The following SLC6A16 variants were observed in gnomAD, a reference collection of about 807,000 sequenced individuals.
SLC6A16 encodes the protein orphan sodium- and chloride-dependent neurotransmitter transporter NTT5.
SLC6A16 carries 54 observed loss-of-function variants against 65.4 expected under a neutral mutation model. The observed-to-expected ratio is 0.83, with a 90% CI of 0.66 to 1.04. The LOEUF is 1.04. Among genes scored for constraint, SLC6A16 ranks in the 50% least tolerant of loss-of-function variants. SLC6A16 has a pLI of 0.00. For missense variants in SLC6A16, 816 were observed against 914.0 expected (o/e 0.89, Z 1.38); for synonymous variants, 330 against 346.5 (o/e 0.95, Z 0.53).
At chr19:49,335,913 C>T in the SLC6A16 span, 3 of 749,772 alleles carry the variant, frequency 4.0e-6, no homozygotes, top group Non-Finnish European at 4.6e-6. The surrounding 1 kb of genome is among the most constrained non-coding windows in gnomAD (Gnocchi z 4.6). Context: ...ATCCACTGCT[C>T]ACCGGAGGCT....
chr19:49,290,526 C>T (rs1361409074), intron 11 of SLC6A16, 79 bp downstream of exon 11: 1 of 1,576,258 alleles, frequency 6.3e-7, no homozygotes, highest in Non-Finnish European at 8.7e-7. Flanking sequence ...AATGAGATGA[C>T]TGGGTTCTTT....
At chr19:49,327,046 G>A (rs1970806170), upstream of SLC6A16, among the ~76,000 whole-genome samples, 1 of 149,972 alleles carries the variant, frequency 6.7e-6, no homozygotes, top group African/African-American at 2.4e-5. Context: ...TGCTGCGACA[G>A]AAAAGGGCCA....
chr19:49,292,703 G>A lies in SLC6A16; in HGVS notation c.1778+520C>T, dbSNP rs1336882690. ...AAACTCTAGGCATTATGCTTCCTCT[G>A]GCCTTGGTAATTTCTGTTTCCCTGC... On this transcript the variant is annotated intron_variant, in intron 10 of 11. Transcript: ENST00000335875. The surrounding 1 kb of genome is among the most constrained non-coding windows in gnomAD (Gnocchi z 4.3). Among the ~76,000 whole-genome samples the A allele has an allele frequency of 6.6e-6, 1 of 152,070 alleles. No individual in the cohort carries two copies. Among genetic ancestry groups the A allele is most frequent in the Admixed American group, 6.6e-5 (1 of 15,264 alleles).
intron 1 of SLC6A16, 37 bp from the exon 2 acceptor site, chr19:49,311,448 G>A (rs1047252794): frequency 1.6e-5 from 21 of 1,339,790 alleles, no homozygotes; most frequent in Middle Eastern, 2.3e-4. Flanking sequence ...TTAGATTTTA[G>A]AGTCAAGTAA....
intron 1 of SLC6A16, among the ~76,000 whole-genome samples, chr19:49,316,875 A>T (rs997274804): frequency 1.4e-5 from 2 of 145,110 alleles, no homozygotes; most frequent in Non-Finnish European, 3.0e-5. Context: ...AAAAAAAAAA[A>T]TTAAAATTAA....
chr19:49,290,524 G>C, intron 11 of SLC6A16, 81 bp downstream of exon 11: 1 of 1,565,608 alleles, frequency 6.4e-7, no homozygotes, highest in East Asian at 2.2e-5. Context: ...AGAATGAGAT[G>C]ACTGGGTTCT....
chr19:49,334,401 G>C, the SLC6A16 span, among the ~76,000 whole-genome samples: 1 of 151,978 alleles, frequency 6.6e-6, no homozygotes, highest in African/African-American at 2.4e-5. Flanking sequence ...TGCAAGGATT[G>C]CTCGAGCCTG....
At chr19:49,305,592 CAAAAA>C (rs566209079) in intron 7 of SLC6A16, among the ~76,000 whole-genome samples, 2 of 106,990 alleles carry the variant, frequency 1.9e-5, no homozygotes, top group Non-Finnish European at 3.7e-5. Context: ...AGATCTGTCT[CAAAAA>C]AAAAAAAAAA....
chr19:49,306,855 A>G (rs1348764673), intron 7 of SLC6A16, among the ~76,000 whole-genome samples: 2 of 151,356 alleles, frequency 1.3e-5, no homozygotes, highest in African/African-American at 4.9e-5. Flanking sequence ...TTTTCTTTAC[A>G]TTTGATCATC....
intron 7 of SLC6A16, among the ~76,000 whole-genome samples, chr19:49,295,346 C>T (rs1030381149): frequency 6.0e-5 from 9 of 150,528 alleles, no homozygotes; most frequent in African/African-American, 2.2e-4. Context: ...CACCACTGCC[C>T]TCCAGCCTGG....
intron 7 of SLC6A16, among the ~76,000 whole-genome samples, chr19:49,305,564 C>T (rs974367790): frequency 6.8e-6 from 1 of 147,626 alleles, no homozygotes; most frequent in Non-Finnish European, 1.5e-5. Flanking sequence ...TACGCTCCAG[C>T]CTGGGTGACA....
rs1555775035 is a variant in SLC6A16 at position 49,299,546 on chromosome 19, A to AGAAAGAAAG, written c.1230-4994_1230-4993insCTTTCTTTC. Among the ~76,000 whole-genome samples the AGAAAGAAAG allele has an allele frequency of 4.7e-5, 6 of 126,488 alleles. 1 individual carries two copies. The highest frequency in any genetic ancestry group is 1.9e-4 in the African/African-American group (6 of 31,180). 83.0% of individuals were successfully genotyped at this position (126,488 alleles called of 152,430 possible). A position where few individuals can be genotyped will look rare whatever the true frequency, so the allele number is the denominator to read the frequency against. ...GGGAGGCTTGGTGTAAAAAAAAAAAAAAAGAAAGAAAGAAAGAGAAAGCTG... is the reference window on the plus strand; with the variant it reads ...GGGAGGCTTGGTGTAAAAAAAAAAAAGAAAGAAAGAAAGAAAGAAAGAAAGAGAAAGCTG... On this transcript the variant is annotated intron_variant, in intron 7 of 11. Coordinates refer to ENST00000335875, the MANE Select transcript of SLC6A16 (RefSeq NM_014037.3).
intron 1 of SLC6A16, among the ~76,000 whole-genome samples, chr19:49,315,238 TA>T (rs1254792946): frequency 6.6e-6 from 1 of 152,168 alleles, no homozygotes; most frequent in African/African-American, 2.4e-5. Context: ...AGGAAGTAAG[TA>T]AATACTTTCC....
Position 49,311,018 on chromosome 19 carries a change from A to C in SLC6A16, c.330T>G (p.Thr110=), listed in dbSNP as rs1041559253. The C allele has an allele frequency of 7.4e-6, 12 of 1,614,134 alleles. No homozygotes were observed. Among genetic ancestry groups the C allele is most frequent in the Non-Finnish European group, 1.0e-5 (12 of 1,179,994 alleles). ...AGCCCACCTGAGCCAGAATATACTCAGTTTTGCTGGACCAGAACGGACGGG... is the reference window on the plus strand; with the variant it reads ...AGCCCACCTGAGCCAGAATATACTCCGTTTTGCTGGACCAGAACGGACGGG... ...LLARPFWSSK[T]EYILAQVGFS... The change falls in exon 2 of 12, where the codon ACT becomes ACG. Residue 110 remains threonine (T), a synonymous_variant. Transcript: ENST00000335875.
At chr19:49,331,091 A>G in the SLC6A16 span, among the ~76,000 whole-genome samples, 2 of 152,138 alleles carry the variant, frequency 1.3e-5, no homozygotes, top group Non-Finnish European at 1.5e-5. Flanking sequence ...TGGATGCCAA[A>G]AGTCCGAAAT....
chr19:49,290,097 T>C lies in SLC6A16; in HGVS notation c.*26A>G. 1 of 1,607,290 alleles carries C rather than the reference T, an allele frequency of 6.2e-7. No individual in the cohort carries two copies. On this transcript the variant is annotated 3_prime_UTR_variant, in exon 12 of 12. Transcript: ENST00000335875. ...TCTATTGGATCTGTTCTAAGGGATA[T>C]GTTATGTGAAGCCAAATTAATGAAG...
chr19:49,299,232 C>T (rs995539026), intron 7 of SLC6A16, among the ~76,000 whole-genome samples: 22 of 140,104 alleles, frequency 1.6e-4, no homozygotes, highest in East Asian at 4.2e-4. Flanking sequence ...GGCAACAGAG[C>T]GAGACTCCGT....
chr19:49,322,675 CAT>C (rs1970732030), intron 1 of SLC6A16, among the ~76,000 whole-genome samples: 1 of 147,912 alleles, frequency 6.8e-6, no homozygotes, highest in South Asian at 2.2e-4. Context: ...AGGTGAAAGA[CAT>C]GTACAAAGAA....
At chr19:49,315,715 A>G (rs1970603801) in intron 1 of SLC6A16, among the ~76,000 whole-genome samples, 1 of 152,210 alleles carries the variant, frequency 6.6e-6, no homozygotes, top group East Asian at 1.9e-4. Context: ...TATAGGAAAA[A>G]CATACAATAC....
Sources: gnomAD v4.1 joint callset for allele counts (sites outside exome capture counted in the v4.1 genomes callset) on GRCh38, gnomAD v4.1.1 for gene constraint, Gnocchi (gnomAD v3.1) non-coding constraint, MANE v1.5 for transcripts, NCBI Gene and HGNC (gene_info 2026-07-23, HGNC 2026-07-21) for gene names.